The following CEP250 variants were observed in gnomAD, a reference collection of about 807,000 sequenced individuals.
The protein encoded by CEP250 is centrosome-associated protein CEP250.
In CEP250, 242 loss-of-function variants were observed where a neutral mutation model predicts 315.7. That is an observed-to-expected ratio of 0.77 (90% CI 0.69 to 0.85). CEP250 has a LOEUF of 0.85. Among genes scored for constraint, CEP250 ranks in the 40% least tolerant of loss-of-function variants. The pLI, the probability that CEP250 is intolerant of heterozygous loss-of-function variation, is 0.00. For synonymous variants in CEP250, 1,088 were observed against 1,175.0 expected (o/e 0.93, Z 1.51); for missense variants, 2,515 against 2,886.4 (o/e 0.87, Z 2.95).
chr20:35,503,890 G>A lies in CEP250; in HGVS notation c.5521G>A (p.Asp1841Asn). Residue 1841 changes from aspartate (D) to asparagine (N), a missense_variant, in exon 30 of 35, where the codon GAC (aspartate) becomes AAC (asparagine). Coordinates refer to ENST00000397527, the MANE Select transcript of CEP250 (RefSeq NM_007186.6). This position sits in a 1 kb window ranked among gnomAD's most constrained non-coding sequence, Gnocchi z 4.2. ...GQEERVKEKA[D>N]ALQGALEQAH... ...GGAGGAGAGGGTGAAGGAAAAGGCA[G>A]ACGCCCTCCAGGGAGCTCTGGAGCA... 1 of 1,614,024 alleles carries A rather than the reference G, an allele frequency of 6.2e-7. No individual in the cohort carries two copies. The highest frequency in any genetic ancestry group is 2.2e-5 in the East Asian group (1 of 44,874).
chr20:35,465,415 G>A (rs1289875141), intron 5 of CEP250, among the ~76,000 whole-genome samples: 4 of 128,952 alleles, frequency 3.1e-5, no homozygotes, highest in African/African-American at 1.2e-4. Context: ...GCGAGACTCT[G>A]TCTCCAAAAA....
Position 35,502,582 on chromosome 20 carries a change from C to G in CEP250, c.4213C>G (p.Leu1405Val), listed in dbSNP as rs1251594490. ...VESERERAQA[L>V]QEQGELKVAQ... Reference sequence around the variant, plus strand: ...GAGTGAGCGTGAGAGAGCCCAGGCTCTGCAAGAGCAGGGCGAACTGAAGGT... The same window carrying G: ...GAGTGAGCGTGAGAGAGCCCAGGCTGTGCAAGAGCAGGGCGAACTGAAGGT... The change falls in exon 30 of 35, where the codon CTG becomes GTG. Residue 1405 changes from leucine (L) to valine (V), a missense_variant. By Grantham distance (32) the Leu-to-Val change is conservative. Transcript: ENST00000397527. 2.5e-6 allele frequency: 4 copies of G among 1,614,234 alleles called. No individual in the cohort carries two copies. The highest frequency in any genetic ancestry group is 2.5e-6 in the Non-Finnish European group (3 of 1,180,048).
chr20:35,469,698 G>T, intron 9 of CEP250, 192 bp from the exon 10 acceptor site: 1 of 433,920 alleles, frequency 2.3e-6, no homozygotes. Flanking sequence ...GTGGTTTTTT[G>T]CTTCCCCACT....
chr20:35,460,626 T>C (rs1032137102), intron 3 of CEP250, among the ~76,000 whole-genome samples: 16 of 152,234 alleles, frequency 1.1e-4, no homozygotes, highest in African/African-American at 3.9e-4. Context: ...GTTGCCTTAT[T>C]GAAATATGGG....
intron 4 of CEP250, among the ~76,000 whole-genome samples, chr20:35,462,990 G>A (rs371254257): frequency 6.6e-6 from 1 of 152,200 alleles, no homozygotes; most frequent in East Asian, 1.9e-4. Context: ...TCTTCAGCTA[G>A]TCTAGAGCCA....
chr20:35,476,265 T>C, intron 15 of CEP250, 184 bp from the exon 16 acceptor site: 1 of 545,334 alleles, frequency 1.8e-6, no homozygotes, highest in Non-Finnish European at 3.3e-6. Context: ...GGTATCTCTA[T>C]ACTGTGAGGT....
chr20:35,501,202 T>G (rs2063991461), intron 28 of CEP250, among the ~76,000 whole-genome samples: 1 of 152,044 alleles, frequency 6.6e-6, no homozygotes, highest in Non-Finnish European at 1.5e-5. Context: ...CCGGGTGTGG[T>G]GGTGGGCACC....
chr20:35,467,179 G>GGGGGGGGCGGCCCCCCC, intron 8 of CEP250, 107 bp downstream of exon 8: 1 of 534,912 alleles, frequency 1.9e-6, no homozygotes, highest in Non-Finnish European at 3.5e-6. Flanking sequence ...GGTGGGTGGG[G>GGGGGGGGCGGCCCCCCC]GAGTTGGTAG....
At chr20:35,491,169 T>C (rs768819610) in intron 21 of CEP250, 43 bp from the exon 22 acceptor site, 1 of 1,600,682 alleles carries the variant, frequency 6.2e-7, no homozygotes, top group South Asian at 1.1e-5. Context: ...GTGAGCATGG[T>C]AATCCTGAGC....
intron 28 of CEP250, 113 bp downstream of exon 28, chr20:35,500,282 AGAC>A: frequency 3.8e-6 from 5 of 1,306,950 alleles, no homozygotes; most frequent in Non-Finnish European, 5.2e-6. Flanking sequence ...TTTATTTTTG[AGAC>A]GACATCTCAC....
intron 25 of CEP250, among the ~76,000 whole-genome samples, chr20:35,497,286 A>G (rs2063865235): frequency 6.6e-6 from 1 of 152,242 alleles, no homozygotes; most frequent in South Asian, 2.1e-4. Context: ...TTCTTCATCC[A>G]TAAAACAAGG....
intron 1 of CEP250, among the ~76,000 whole-genome samples, chr20:35,455,986 C>T (rs1280704275): frequency 6.6e-6 from 1 of 152,240 alleles, no homozygotes; most frequent in Non-Finnish European, 1.5e-5. Flanking sequence ...ACCTCCGCCT[C>T]CCGGGTTCAA....
chr20:35,505,271 A>G (rs553343940), intron 30 of CEP250, among the ~76,000 whole-genome samples: 4 of 152,326 alleles, frequency 2.6e-5, no homozygotes, highest in African/African-American at 9.6e-5. Context: ...TAATGGGGGA[A>G]GTTTAGTATG....
intron 5 of CEP250, among the ~76,000 whole-genome samples, chr20:35,464,194 G>C (rs1281137930): frequency 6.6e-6 from 1 of 152,210 alleles, no homozygotes; most frequent in Non-Finnish European, 1.5e-5. Context: ...TTATGATGAT[G>C]TGAAAGCTAT....
intron 6 of CEP250, 51 bp from the exon 7 acceptor site, chr20:35,465,988 G>C (rs1228797524): frequency 6.2e-7 from 1 of 1,602,842 alleles, no homozygotes; most frequent in African/African-American, 1.3e-5. Context: ...GAGGTCCAAG[G>C]GTTGGACTAG....
intron 17 of CEP250, 46 bp from the exon 18 acceptor site, chr20:35,479,185 G>A (rs1271906183): frequency 6.3e-7 from 1 of 1,582,444 alleles, no homozygotes; most frequent in East Asian, 2.2e-5. Context: ...GCGGCCCCAG[G>A]GGAATCCAGC....
chr20:35,497,698 T>A (rs1171482141), intron 25 of CEP250, 21 bp from the exon 26 acceptor site: 1 of 1,510,402 alleles, frequency 6.6e-7, no homozygotes, highest in Admixed American at 2.1e-5. Context: ...GCTTATATTA[T>A]GTAAAATTCT....
At chr20:35,478,773 A>C (rs548528926) in intron 17 of CEP250, among the ~76,000 whole-genome samples, 2 of 152,332 alleles carry the variant, frequency 1.3e-5, no homozygotes, top group East Asian at 1.9e-4. Flanking sequence ...TTATTTCTCC[A>C]GCTTTTAGCA....
At position 35,507,822 on chromosome 20, in the gene CEP250, A is replaced by C. The variant is rs1335584912; in HGVS notation, c.6721A>C (p.Arg2241=). Reference sequence around the variant, plus strand: ...AACCAGCACAGCAGAACTGGGGTCCAGAGGGGAGCAGGGTGTGCAGCTGGG... The same window carrying C: ...AACCAGCACAGCAGAACTGGGGTCCCGAGGGGAGCAGGGTGTGCAGCTGGG... ...GATSTAELGS[R]GEQGVQLGEV... is the part of the protein sequence containing the mutation. The change falls in exon 31 of 35, where the codon AGA becomes CGA. Residue 2241 remains arginine, a synonymous_variant. Transcript: ENST00000397527. 1 of 1,588,896 alleles carries C rather than the reference A, an allele frequency of 6.3e-7. No homozygotes were observed. Among genetic ancestry groups the C allele is most frequent in the Non-Finnish European group, 8.6e-7 (1 of 1,167,960 alleles).
Sources: gnomAD v4.1 joint callset for allele counts (sites outside exome capture counted in the v4.1 genomes callset) on GRCh38, gnomAD v4.1.1 for gene constraint, Gnocchi (gnomAD v3.1) non-coding constraint, MANE v1.5 for transcripts, NCBI Gene and HGNC (gene_info 2026-07-23, HGNC 2026-07-21) for gene names.